Variants in ZNF407 observed in about 807,000 individuals in gnomAD.
ZNF407 encodes zinc finger protein 407.
A neutral mutation model predicts 131.2 loss-of-function variants in ZNF407; 17 were observed. The observed-to-expected ratio is 0.13, with a 90% CI of 0.09 to 0.19. The LOEUF is 0.19. Ranked by LOEUF, ZNF407 falls within the 10% of genes least tolerant of loss-of-function variation. The probability of loss-of-function intolerance (pLI) is 1.00; values close to 1 mark genes in which losing one functional copy is unlikely to be tolerated. For synonymous variants in ZNF407, 1,156 were observed against 1,062.0 expected (o/e 1.09, Z -1.72); for missense variants, 2,681 against 2,830.6 (o/e 0.95, Z 1.20).
At chr18:74,951,286 G>A (rs1972210741) in intron 8 of ZNF407, among the ~76,000 whole-genome samples, 1 of 152,214 alleles carries the variant, frequency 6.6e-6, no homozygotes. Context: ...GCAATGAGAA[G>A]GGAAGGCAGG....
At chr18:74,643,883 A>G (rs886853356) in intron 3 of ZNF407, among the ~76,000 whole-genome samples, 1 of 151,986 alleles carries the variant, frequency 6.6e-6, no homozygotes, top group African/African-American at 2.4e-5. Context: ...CTTCAGGATC[A>G]GTTTTAAGAT....
At chr18:75,022,632 G>A (rs918885985) in intron 8 of ZNF407, among the ~76,000 whole-genome samples, 2 of 152,106 alleles carry the variant, frequency 1.3e-5, no homozygotes, top group African/African-American at 4.8e-5. Flanking sequence ...ATACCAGTCA[G>A]AATGGCGATT....
intron 4 of ZNF407, among the ~76,000 whole-genome samples, chr18:74,812,737 C>G (rs925872645): frequency 6.6e-6 from 1 of 152,126 alleles, no homozygotes; most frequent in Non-Finnish European, 1.5e-5. Context: ...CTGTGTGGAT[C>G]CCACGTGTCT....
At chr18:74,612,957 C>T (rs1033922592) in intron 1 of ZNF407, among the ~76,000 whole-genome samples, 8 of 152,118 alleles carry the variant, frequency 5.3e-5, no homozygotes, top group Admixed American at 2.6e-4. Context: ...TGTTTATTTA[C>T]GTCCTTTTTT....
chr18:74,850,659 C>G (rs562334703), intron 4 of ZNF407, among the ~76,000 whole-genome samples: 25 of 152,122 alleles, frequency 1.6e-4, no homozygotes, highest in African/African-American at 5.8e-4. Context: ...GCTTTCAGTT[C>G]CTTTCAGTTT....
chr18:74,656,036 TTTC>T (rs1706005878), intron 3 of ZNF407, among the ~76,000 whole-genome samples: 2 of 152,114 alleles, frequency 1.3e-5, no homozygotes, highest in African/African-American at 4.8e-5. Flanking sequence ...AATTTTATAA[TTTC>T]TTGAAGACAA....
intron 8 of ZNF407, among the ~76,000 whole-genome samples, chr18:75,046,892 A>G (rs1331840690): frequency 6.6e-6 from 1 of 152,158 alleles, no homozygotes; most frequent in African/African-American, 2.4e-5. Flanking sequence ...CCTTCAATAT[A>G]TACTAGTCGA....
intron 8 of ZNF407, among the ~76,000 whole-genome samples, chr18:75,027,592 A>G (rs1973186611): frequency 1.3e-5 from 2 of 152,178 alleles, no homozygotes; most frequent in Admixed American, 1.3e-4. Context: ...AGGAAGGACT[A>G]CTAAGTTTCC....
intron 8 of ZNF407, among the ~76,000 whole-genome samples, chr18:74,921,954 G>T (rs577703697): frequency 2.6e-5 from 4 of 152,274 alleles, no homozygotes; most frequent in African/African-American, 9.6e-5. Flanking sequence ...CGTGGATAGA[G>T]GCTCATTACT....
chr18:74,681,348 A>T (rs1462660216), intron 3 of ZNF407, among the ~76,000 whole-genome samples: 1 of 152,122 alleles, frequency 6.6e-6, no homozygotes, highest in South Asian at 2.1e-4. Flanking sequence ...TGCTTAAATG[A>T]TCTTCCTGCC....
At chr18:75,046,126 G>A (rs1349524058) in intron 8 of ZNF407, among the ~76,000 whole-genome samples, 1 of 152,088 alleles carries the variant, frequency 6.6e-6, no homozygotes, top group East Asian at 1.9e-4. Context: ...GCTACAATTA[G>A]CCCATTAATT....
chr18:74,700,293 A>G (rs1283397063), intron 3 of ZNF407, among the ~76,000 whole-genome samples: 2 of 152,234 alleles, frequency 1.3e-5, no homozygotes, highest in Non-Finnish European at 2.9e-5. Flanking sequence ...AGAAAGTTCT[A>G]GATAAAGCCA....
chr18:74,614,346 G>A (rs1983191790), intron 1 of ZNF407, among the ~76,000 whole-genome samples: 5 of 152,206 alleles, frequency 3.3e-5, no homozygotes, highest in Admixed American at 3.3e-4. Flanking sequence ...GTAGGTCAGA[G>A]CTATGTTTGC....
intron 8 of ZNF407, among the ~76,000 whole-genome samples, chr18:75,051,874 CTCAGGCACTCTCATAAGTGAAGGCCAGGT>C (rs1236820543): frequency 6.6e-6 from 1 of 152,208 alleles, no homozygotes; most frequent in Non-Finnish European, 1.5e-5. Context: ...GTCATCAGAA[CTCAGGCACTCTCATAAGTGAAGGCCAGGT>C]TCATTTGACA....
chr18:74,953,134 C>G (rs1336237872), intron 8 of ZNF407, among the ~76,000 whole-genome samples: 3 of 152,070 alleles, frequency 2.0e-5, no homozygotes, highest in African/African-American at 7.3e-5. Context: ...GGAGAAAGGA[C>G]TGCGTGGAAA....
chr18:74,804,542 CTTTG>C, intron 4 of ZNF407: 2 of 986,970 alleles, frequency 2.0e-6, no homozygotes, highest in Non-Finnish European at 2.4e-6. Context: ...AAATACATTG[CTTTG>C]TTTGTATGTG....
At position 74,891,022 on chromosome 18, in the gene ZNF407, G is replaced by A. The variant is rs772926667; in HGVS notation, c.5249+984G>A. On this transcript the variant is annotated intron_variant, in intron 7 of 8. Coordinates refer to ENST00000299687, the MANE Select transcript of ZNF407 (RefSeq NM_017757.3). Reference sequence around the variant, plus strand: ...CCAGGTAGCAGAGTTACCTAGTGGCGGCAGCGAAGCCTTCGTGCAGAAGAG... The same window carrying A: ...CCAGGTAGCAGAGTTACCTAGTGGCAGCAGCGAAGCCTTCGTGCAGAAGAG... Among the ~76,000 whole-genome samples the A allele has an allele frequency of 9.2e-5, 14 of 152,292 alleles. No individual in the cohort carries two copies. In the East Asian group the frequency reaches 9.6e-4, roughly 10 times the overall value.
intron 4 of ZNF407, among the ~76,000 whole-genome samples, chr18:74,850,213 AG>A (rs1406103322): frequency 6.6e-6 from 1 of 152,206 alleles, no homozygotes; most frequent in African/African-American, 2.4e-5. Flanking sequence ...TAAATGTTTT[AG>A]TGAAACACTG....
chr18:74,792,569 G>A (rs946684419), intron 4 of ZNF407, among the ~76,000 whole-genome samples: 2 of 150,700 alleles, frequency 1.3e-5, no homozygotes, highest in Admixed American at 6.6e-5. Flanking sequence ...ATAAAATATC[G>A]AACATTAGGA....
Sources: gnomAD v4.1 joint callset for allele counts (sites outside exome capture counted in the v4.1 genomes callset) on GRCh38, gnomAD v4.1.1 for gene constraint, MANE v1.5 for transcripts, NCBI Gene and HGNC (gene_info 2026-07-23, HGNC 2026-07-21) for gene names.